Variants in NRG1 observed in about 807,000 individuals in gnomAD.
NRG1 encodes the protein pro-neuregulin-1, membrane-bound isoform.
Under a neutral mutation model 63.8 loss-of-function variants are expected in NRG1, and 18 were observed. The observed-to-expected ratio is 0.28, with a 90% CI of 0.19 to 0.42. The LOEUF (loss-of-function observed/expected upper bound fraction) is 0.42, where lower values mean the gene tolerates loss of function less well. Among genes scored for constraint, NRG1 ranks in the 10% least tolerant of loss-of-function variants. NRG1 has a pLI of 1.00. For synonymous variants in NRG1, 302 were observed against 301.3 expected, an observed-to-expected ratio of 1.00 and a Z score of -0.02; for missense variants, 762 against 814.7, an observed-to-expected ratio of 0.94 and a Z score of 0.79.
chr8:32,393,199 T>G (rs1258288656), intron 1 of NRG1, among the ~76,000 whole-genome samples: 1 of 151,996 alleles, frequency 6.6e-6, no homozygotes, highest in Non-Finnish European at 1.5e-5. Flanking sequence ...GAAAACATGG[T>G]TTTTTTCTCC....
chr8:32,684,908 A>G (rs1475786544), intron 5 of NRG1, among the ~76,000 whole-genome samples: 1 of 152,184 alleles, frequency 6.6e-6, no homozygotes, highest in Admixed American at 6.5e-5. Flanking sequence ...TGAAAATTTA[A>G]ATATATTTTT....
intron 1 of NRG1, among the ~76,000 whole-genome samples, chr8:31,720,319 C>A (rs1343447144): frequency 6.6e-6 from 1 of 152,060 alleles, no homozygotes; most frequent in African/African-American, 2.4e-5. Flanking sequence ...ATTTTGCAAG[C>A]CTTTTTTTCC....
At chr8:32,464,363 G>T (rs4128548) in intron 1 of NRG1, among the ~76,000 whole-genome samples, 1 of 128,108 alleles carries the variant, frequency 7.8e-6, no homozygotes, top group Admixed American at 1.0e-4. Context: ...TAAGTATCTC[G>T]CTCCTAGATC....
At chr8:32,206,432 A>T (rs575824489) in intron 1 of NRG1, among the ~76,000 whole-genome samples, 3 of 152,200 alleles carry the variant, frequency 2.0e-5, no homozygotes, top group Non-Finnish European at 4.4e-5. Context: ...ATTATTGGAG[A>T]CCAAATACCT....
At chr8:32,261,661 C>A (rs1220469884) in intron 1 of NRG1, among the ~76,000 whole-genome samples, 1 of 152,082 alleles carries the variant, frequency 6.6e-6, no homozygotes, top group African/African-American at 2.4e-5. Context: ...AACAGTTGCG[C>A]TTTTAACACC....
intron 1 of NRG1, among the ~76,000 whole-genome samples, chr8:32,032,796 A>T (rs1818467606): frequency 6.6e-6 from 1 of 152,078 alleles, no homozygotes; most frequent in Non-Finnish European, 1.5e-5. Flanking sequence ...TCATTTTTAA[A>T]TTTCTGCTTT....
intron 1 of NRG1, among the ~76,000 whole-genome samples, chr8:32,042,850 A>G (rs1423996487): frequency 1.3e-5 from 2 of 152,168 alleles, no homozygotes; most frequent in Non-Finnish European, 2.9e-5. Flanking sequence ...TATGAACAAC[A>G]CAGAGAAACA....
chr8:32,325,702 T>C (rs1586836993), intron 1 of NRG1, among the ~76,000 whole-genome samples: 1 of 152,182 alleles, frequency 6.6e-6, no homozygotes, highest in Admixed American at 6.5e-5. Context: ...GAATAAATCA[T>C]TTAATCTTGC....
Position 31,973,092 on chromosome 8 carries a change from C to T in NRG1, c.37+333661C>T, listed in dbSNP as rs952953090. 8.5e-5 allele frequency among the ~76,000 whole-genome samples: 13 copies of T among 152,212 alleles called. No individual in the cohort carries two copies. The East Asian group carries it at 2.5e-3, about 29-fold the overall frequency. The stretch of plus-strand genomic sequence containing the variant: ...TCTCCACACCAACATCATCCCTCAC[C>T]TCATAAACCTACACCTAGAAAAACT... On this transcript the variant is annotated intron_variant, in intron 1 of 10. Transcript: ENST00000519301.
chr8:32,322,573 C>G (rs1305170211), intron 1 of NRG1, among the ~76,000 whole-genome samples: 3 of 152,046 alleles, frequency 2.0e-5, no homozygotes, highest in Non-Finnish European at 2.9e-5. Flanking sequence ...TGCACATTGG[C>G]TTCAGGCATG....
intron 5 of NRG1, among the ~76,000 whole-genome samples, chr8:32,678,556 T>C (rs878992914): frequency 6.6e-6 from 1 of 152,154 alleles, no homozygotes; most frequent in African/African-American, 2.4e-5. Flanking sequence ...TATTATATGA[T>C]GGTCAGCTTT....
chr8:32,498,421 T>C (rs887964811), intron 1 of NRG1, among the ~76,000 whole-genome samples: 16 of 152,204 alleles, frequency 1.1e-4, no homozygotes, highest in African/African-American at 3.9e-4. Context: ...CTTACAATCA[T>C]GGCAGAAGGA....
intron 1 of NRG1, among the ~76,000 whole-genome samples, chr8:31,965,896 T>A (rs1406562946): frequency 6.6e-6 from 1 of 152,170 alleles, no homozygotes; most frequent in African/African-American, 2.4e-5. Context: ...TATTCATTTA[T>A]AAGTGGGAGC....
chr8:32,047,530 A>G (rs1201439709), intron 1 of NRG1, among the ~76,000 whole-genome samples: 1 of 152,078 alleles, frequency 6.6e-6, no homozygotes, highest in Non-Finnish European at 1.5e-5. Context: ...ATTGTGCTGT[A>G]TGGAAAAATT....
At chr8:32,154,758 T>A (rs1168571102) in intron 1 of NRG1, among the ~76,000 whole-genome samples, 2 of 152,124 alleles carry the variant, frequency 1.3e-5, no homozygotes, top group African/African-American at 4.8e-5. Context: ...ATATGTTCCA[T>A]GATAAAAACC....
intron 1 of NRG1, among the ~76,000 whole-genome samples, chr8:31,941,787 C>G (rs570458527): frequency 7.8e-4 from 118 of 152,052 alleles, no homozygotes; most frequent in Middle Eastern, 3.4e-3. Context: ...CAACCCCTTT[C>G]ACAATATCAG....
chr8:31,672,814 C>T (rs907172535), intron 1 of NRG1, among the ~76,000 whole-genome samples: 2 of 152,056 alleles, frequency 1.3e-5, no homozygotes, highest in Non-Finnish European at 2.9e-5. Flanking sequence ...GATTAATTTT[C>T]CTGAGAGCAG....
chr8:32,396,314 T>C (rs1748097121), intron 1 of NRG1, among the ~76,000 whole-genome samples: 1 of 152,230 alleles, frequency 6.6e-6, no homozygotes, highest in Non-Finnish European at 1.5e-5. Context: ...GAAGATCAAC[T>C]TGGAGAAAGC....
intron 1 of NRG1, among the ~76,000 whole-genome samples, chr8:31,941,029 G>T (rs1801666591): frequency 6.6e-6 from 1 of 151,994 alleles, no homozygotes; most frequent in Middle Eastern, 3.4e-3. Context: ...GAGAAAGAAG[G>T]AATACTCTCT....
Sources: allele counts gnomAD v4.1 joint callset (sites outside exome capture counted in the v4.1 genomes callset), GRCh38; gene constraint gnomAD v4.1.1; transcripts MANE v1.5; gene names NCBI Gene and HGNC (gene_info 2026-07-23, HGNC 2026-07-21).